Variants in GABRA2 observed in about 807,000 individuals in gnomAD.
GABRA2 encodes the protein gamma-aminobutyric acid receptor subunit alpha-2.
GABRA2 carries 16 observed loss-of-function variants against 48.7 expected under a neutral mutation model. The ratio of observed to expected loss-of-function variants is 0.33; its 90% confidence interval spans 0.22 to 0.50. GABRA2 has a LOEUF of 0.50. GABRA2 is among the 20% of genes least tolerant of loss of function. GABRA2 has a pLI of 0.98. For synonymous variants in GABRA2, 185 were observed against 184.5 expected, an observed-to-expected ratio of 1.00 and a Z score of -0.02; for missense variants, 275 against 535.6, an observed-to-expected ratio of 0.51 and a Z score of 4.80.
At chr4:46,350,876 A>G (rs1735006044) in intron 3 of GABRA2, among the ~76,000 whole-genome samples, 1 of 151,980 alleles carries the variant, frequency 6.6e-6, no homozygotes, top group Non-Finnish European at 1.5e-5. Flanking sequence ...AAGTGTGCAT[A>G]AATCATAAAA....
Position 46,250,597 on chromosome 4 carries a change from T to G in GABRA2, c.1067A>C (p.Glu356Ala), listed in dbSNP as rs770470348. The G allele has an allele frequency of 2.5e-6, 4 of 1,582,832 alleles. No individual in the cohort carries two copies. The highest frequency in any genetic ancestry group is 2.6e-6 in the Non-Finnish European group (3 of 1,167,608). ...GKSVVNDKKK[E>A]KASVMIQNNA... ...GTTCTGTATCATAACGGAAGCCTTTTCTTTTTTCTATTGAAAAATACAAAA... is the reference window on the plus strand; with the variant it reads ...GTTCTGTATCATAACGGAAGCCTTTGCTTTTTTCTATTGAAAAATACAAAA... The change falls in exon 10 of 10, where the codon GAA (glutamate) becomes GCA (alanine). Residue 356 changes from glutamate to alanine, a missense_variant. Around this residue, in one of 4 missense-constraint regions of GABRA2, gnomAD observed 99 missense variants for 124.3 expected, o/e 0.80. Transcript: ENST00000381620.
chr4:46,350,283 T>C (rs1258699919), intron 3 of GABRA2, among the ~76,000 whole-genome samples: 1 of 151,946 alleles, frequency 6.6e-6, no homozygotes, highest in Non-Finnish European at 1.5e-5. Flanking sequence ...TCAAACCATG[T>C]ATATGTACTA....
chr4:46,360,055 C>T (rs994559609), intron 3 of GABRA2, among the ~76,000 whole-genome samples: 1 of 152,150 alleles, frequency 6.6e-6, no homozygotes, highest in African/African-American at 2.4e-5. Context: ...AGCAATGAAA[C>T]TATATTAATT....
chr4:46,383,028 AACG>A (rs1716970899), intron 3 of GABRA2, among the ~76,000 whole-genome samples: 1 of 152,136 alleles, frequency 6.6e-6, no homozygotes, highest in East Asian at 1.9e-4. Flanking sequence ...TTCTATTTGA[AACG>A]ACATGTGTGC....
At chr4:46,298,787 G>T (rs541119681) in intron 8 of GABRA2, among the ~76,000 whole-genome samples, 1 of 151,768 alleles carries the variant, frequency 6.6e-6, no homozygotes, top group African/African-American at 2.4e-5. Context: ...AATGTTTAGG[G>T]CACTAACAGG....
In GABRA2 at chr4:46,310,919, C is replaced by A. The variant is rs537813191; in HGVS notation, c.477-664G>T. ...AGAAAATTTGATATAATGCAAACTT[C>A]CAATTATTCCATTTCATGTAAAGAC... On this transcript the variant is annotated intron_variant, in intron 5 of 9. Coordinates refer to ENST00000381620, the MANE Select transcript of GABRA2 (RefSeq NM_000807.4). Among the ~76,000 whole-genome samples the A allele has an allele frequency of 8.5e-5, 13 of 152,096 alleles. 1 individual carries two copies. Among genetic ancestry groups the A allele is most frequent in the African/African-American group, 3.1e-4 (13 of 41,506 alleles).
intron 3 of GABRA2, among the ~76,000 whole-genome samples, chr4:46,371,533 AT>A (rs1714889889): frequency 6.6e-6 from 1 of 152,128 alleles, no homozygotes; most frequent in South Asian, 2.1e-4. Flanking sequence ...CAAGGTTCAA[AT>A]ACTACTGAGC....
chr4:46,382,427 A>G (rs1716882517), intron 3 of GABRA2, among the ~76,000 whole-genome samples: 1 of 151,964 alleles, frequency 6.6e-6, no homozygotes, highest in South Asian at 2.1e-4. Context: ...AATGTGACTG[A>G]AGCGATGTTA....
intron 3 of GABRA2, among the ~76,000 whole-genome samples, chr4:46,370,634 C>G (rs1714742305): frequency 6.6e-6 from 1 of 152,092 alleles, no homozygotes; most frequent in South Asian, 2.1e-4. Context: ...AAACCTTACT[C>G]AGGTTTCAAA....
chr4:46,310,089 G>GA (rs919080412), intron 6 of GABRA2, 84 bp downstream of exon 6: 12 of 926,838 alleles, frequency 1.3e-5, no homozygotes, highest in African/African-American at 3.3e-5. Flanking sequence ...CATAATTTGA[G>GA]AAAAAAACTA....
Position 46,305,641 on chromosome 4 carries a change from A to G in GABRA2, c.630T>C (p.Pro210=). 1 of 1,613,738 alleles carries G rather than the reference A, an allele frequency of 6.2e-7. No individual in the cohort carries two copies. Among genetic ancestry groups the G allele is most frequent in the Non-Finnish European group, 8.5e-7 (1 of 1,179,652 alleles). The change falls in exon 7 of 10, where the codon CCT becomes CCC. Residue 210 remains proline (P), a synonymous_variant. Coordinates refer to ENST00000381620, the MANE Select transcript of GABRA2 (RefSeq NM_000807.4). The part of the protein sequence containing the change: ...YNASDSVQVA[P]DGSRLNQYDL... ...CATATTGATTTAACCTAGAGCCATC[A>G]GGAGCAACCTGTACTGAATCAGATG...
chr4:46,313,496 T>C (rs1001457781), intron 4 of GABRA2, among the ~76,000 whole-genome samples: 1 of 152,096 alleles, frequency 6.6e-6, no homozygotes, highest in South Asian at 2.1e-4. Context: ...CTTTAAAATA[T>C]TGTTACAGAC....
chr4:46,373,912 C>T (rs1715306461), intron 3 of GABRA2, among the ~76,000 whole-genome samples: 1 of 152,160 alleles, frequency 6.6e-6, no homozygotes, highest in African/African-American at 2.4e-5. Context: ...CCATACTCCC[C>T]CCTACCTGAC....
At chr4:46,367,501 A>C (rs1714225153) in intron 3 of GABRA2, 1 of 152,080 alleles carries the variant, frequency 6.6e-6, no homozygotes, top group African/African-American at 2.4e-5. Context: ...TCTCTTTTTA[A>C]ATATCTTCAA....
chr4:46,265,656 C>T (rs2109370944), intron 8 of GABRA2, among the ~76,000 whole-genome samples: 1 of 150,692 alleles, frequency 6.6e-6, no homozygotes, highest in South Asian at 2.1e-4. Context: ...GTAATTTTTT[C>T]TATTTGTTAT....
intron 3 of GABRA2, among the ~76,000 whole-genome samples, chr4:46,354,559 C>T (rs955249662): frequency 1.3e-5 from 2 of 152,076 alleles, no homozygotes; most frequent in Non-Finnish European, 2.9e-5. Context: ...TCATTTTTCT[C>T]TTGGGGATGG....
At position 46,250,395 on chromosome 4, in the gene GABRA2, T is replaced by C; in HGVS notation, c.1269A>G (p.Ile423Met). Reference protein sequence around the residue: ...SVSKIDRMSRIVFPVLFGTFN... With the variant: ...SVSKIDRMSRMVFPVLFGTFN... ...AGGTACCAAACAAAACTGGAAAAAC[T>C]ATTCTGGACATTCTGTCAATTTTGC... is the stretch of plus-strand genomic sequence containing the variant. The change falls in exon 10 of 10, where the codon ATA (isoleucine) becomes ATG (methionine). Residue 423 changes from isoleucine to methionine, a missense_variant. Physicochemically the swap from Ile to Met is conservative, Grantham distance 10 (BLOSUM62 1). Around this residue, in one of 4 missense-constraint regions of GABRA2, gnomAD observed 99 missense variants for 124.3 expected, o/e 0.80. Coordinates refer to ENST00000381620, the MANE Select transcript of GABRA2 (RefSeq NM_000807.4). 1.9e-6 allele frequency: 3 copies of C among 1,611,686 alleles called. No homozygotes were observed. The highest frequency in any genetic ancestry group is 2.5e-6 in the Non-Finnish European group (3 of 1,178,466).
chr4:46,323,819 GA>G (rs979568113), intron 4 of GABRA2, among the ~76,000 whole-genome samples: 5 of 147,498 alleles, frequency 3.4e-5, no homozygotes, highest in Middle Eastern at 3.2e-3. Flanking sequence ...AAAGAAATCA[GA>G]AAAAAAAAAT....
intron 4 of GABRA2, among the ~76,000 whole-genome samples, chr4:46,325,383 T>C (rs1355203653): frequency 6.6e-6 from 1 of 152,072 alleles, no homozygotes; most frequent in Non-Finnish European, 1.5e-5. Flanking sequence ...ATGTGTGTCA[T>C]TTTAAGAAAT....
Sources: allele counts gnomAD v4.1 joint callset (sites outside exome capture counted in the v4.1 genomes callset), GRCh38; gene constraint gnomAD v4.1.1; regional missense constraint gnomAD v4.1.1; transcripts MANE v1.5; gene names NCBI Gene and HGNC (gene_info 2026-07-23, HGNC 2026-07-21).